XKR9: variants seen among roughly 807,000 people sequenced by gnomAD.
The protein encoded by XKR9 is XK related 9.
XKR9 carries 32 observed loss-of-function variants against 32.0 expected under a neutral mutation model. The ratio of observed to expected loss-of-function variants is 1.00; its 90% confidence interval spans 0.76 to 1.34. The LOEUF (loss-of-function observed/expected upper bound fraction) is 1.34. Among genes scored for constraint, XKR9 ranks in the 40% most tolerant of loss-of-function variants. The pLI is 0.00. For synonymous variants in XKR9, 168 were observed against 143.4 expected, an observed-to-expected ratio of 1.17 and a Z score of -1.22; for missense variants, 546 against 429.7, an observed-to-expected ratio of 1.27 and a Z score of -2.39.
intron 3 of XKR9, among the ~76,000 whole-genome samples, chr8:70,685,261 C>T (rs1004792787): frequency 2.6e-4 from 38 of 146,666 alleles, no homozygotes; most frequent in Middle Eastern, 3.7e-3. Context: ...AACCAAACAC[C>T]GCATATTCTC....
intron 4 of XKR9, among the ~76,000 whole-genome samples, chr8:70,721,555 A>T (rs1441395281): frequency 1.3e-5 from 2 of 151,964 alleles, no homozygotes; most frequent in Non-Finnish European, 2.9e-5. Context: ...TTATTTTGTT[A>T]TTTACCCAGT....
intron 2 of XKR9, among the ~76,000 whole-genome samples, chr8:70,748,870 G>T (rs1315199549): frequency 1.7e-5 from 2 of 118,770 alleles, no homozygotes; most frequent in Non-Finnish European, 4.2e-5. Context: ...GACTCAGCCA[G>T]ACTCAGACAT....
In XKR9 at chr8:70,777,054, C is replaced by G. The variant is rs745531384; in HGVS notation, n.353-12285C>G. Among the ~76,000 whole-genome samples, 9 of 150,616 alleles carry G rather than the reference C, an allele frequency of 6.0e-5. No individual in the cohort carries two copies. In the Admixed American group the frequency reaches 6.0e-4, roughly 10 times the overall value. The stretch of plus-strand genomic sequence containing the variant: ...ACATGTGCCATGTTGGTTTGCTGTA[C>G]CCATCAACTTGTTATTTACATTAGG... On this transcript the variant is annotated intron_variant and non_coding_transcript_variant, in intron 2 of 3. Coordinates refer to the XKR9 transcript ENST00000520273.
At chr8:70,788,609 T>C (rs1247574334) in intron 2 of XKR9, among the ~76,000 whole-genome samples, 1 of 152,140 alleles carries the variant, frequency 6.6e-6, no homozygotes, top group Non-Finnish European at 1.5e-5. Context: ...CAATAGCATA[T>C]ATAGTTTCAA....
the XKR9 span, among the ~76,000 whole-genome samples, chr8:71,046,660 T>A: frequency 6.6e-6 from 1 of 152,342 alleles, no homozygotes; most frequent in East Asian, 1.9e-4. Context: ...GTTACCTGTA[T>A]GGTTTTTTCT....
At chr8:70,840,339 AT>A in the XKR9 span, among the ~76,000 whole-genome samples, 1 of 151,984 alleles carries the variant, frequency 6.6e-6, no homozygotes, top group South Asian at 2.1e-4. Flanking sequence ...TTTTTTTAAG[AT>A]TTATTCTCTC....
At chr8:70,786,556 G>T (rs1807690959) in intron 2 of XKR9, among the ~76,000 whole-genome samples, 2 of 151,796 alleles carry the variant, frequency 1.3e-5, no homozygotes, top group Admixed American at 1.3e-4. Context: ...TACAGTTTTT[G>T]ACAAAGTCTG....
chr8:70,895,764 C>T, the XKR9 span, among the ~76,000 whole-genome samples: 1 of 145,378 alleles, frequency 6.9e-6, no homozygotes, highest in African/African-American at 2.6e-5. Flanking sequence ...GTGGGCAGAT[C>T]ACTTGAGCCC....
At chr8:70,805,446 G>C in the XKR9 span, among the ~76,000 whole-genome samples, 2 of 152,172 alleles carry the variant, frequency 1.3e-5, no homozygotes, top group African/African-American at 2.4e-5. Context: ...TAAGCCATTT[G>C]AGCTCCTTGG....
chr8:70,736,728 C>G (rs1806869710), downstream of XKR9, among the ~76,000 whole-genome samples: 1 of 151,950 alleles, frequency 6.6e-6, no homozygotes, highest in Non-Finnish European at 1.5e-5. Context: ...ATAGGGAATC[C>G]TTTCCCCATT....
chr8:70,934,944 T>C, the XKR9 span, among the ~76,000 whole-genome samples: 1 of 151,672 alleles, frequency 6.6e-6, no homozygotes, highest in Non-Finnish European at 1.5e-5. Context: ...AGGTTAAAAA[T>C]GTTTTGAAAT....
chr8:70,736,077 G>C (rs1195598025), downstream of XKR9: 11 of 152,124 alleles, frequency 7.2e-5, no homozygotes, highest in Non-Finnish European at 1.2e-4. Flanking sequence ...TACAGTCCCA[G>C]CAACAGTGTA....
At chr8:70,948,341 A>G in the XKR9 span, among the ~76,000 whole-genome samples, 1 of 151,974 alleles carries the variant, frequency 6.6e-6, no homozygotes, top group Non-Finnish European at 1.5e-5. Context: ...CAGTGCTGGG[A>G]CTTAACATTC....
At chr8:71,024,557 C>A in the XKR9 span, among the ~76,000 whole-genome samples, 2 of 152,188 alleles carry the variant, frequency 1.3e-5, no homozygotes, top group Non-Finnish European at 2.9e-5. Context: ...TGGGAGCTGA[C>A]AAGCCAGAAT....
the XKR9 span, among the ~76,000 whole-genome samples, chr8:70,941,920 G>A: frequency 6.6e-6 from 1 of 152,008 alleles, no homozygotes; most frequent in Non-Finnish European, 1.5e-5. Context: ...CTTTCAACCT[G>A]AAGAAATGAG....
chr8:70,858,780 G>C, the XKR9 span, among the ~76,000 whole-genome samples: 2 of 152,060 alleles, frequency 1.3e-5, no homozygotes, highest in African/African-American at 2.4e-5. Flanking sequence ...TCAATAAATG[G>C]TGCTGGGAAA....
chr8:70,675,890 C>T (rs1285380658), intron 2 of XKR9, among the ~76,000 whole-genome samples: 1 of 152,210 alleles, frequency 6.6e-6, no homozygotes. Flanking sequence ...CTCTTCTAGC[C>T]TCTGCCTGTT....
At chr8:70,879,135 C>G in the XKR9 span, among the ~76,000 whole-genome samples, 380 of 152,270 alleles carry the variant, frequency 2.5e-3, no homozygotes, top group Non-Finnish European at 3.4e-3. Context: ...ATACCAGAAT[C>G]TCTGGGGACA....
chr8:70,710,878 A>G (rs999068455), intron 4 of XKR9, among the ~76,000 whole-genome samples: 2 of 152,196 alleles, frequency 1.3e-5, no homozygotes, highest in African/African-American at 2.4e-5. Context: ...TTTGCAAACT[A>G]TGCATCCAGC....
Sources: gnomAD v4.1 joint callset for allele counts (sites outside exome capture counted in the v4.1 genomes callset) on GRCh38, gnomAD v4.1.1 for gene constraint, MANE v1.5 for transcripts, NCBI Gene and HGNC (gene_info 2026-07-23, HGNC 2026-07-21) for gene names.